The following SPEN variants were observed in gnomAD, a reference collection of about 807,000 sequenced individuals.
SPEN encodes spen family transcriptional repressor.
In SPEN, 18 loss-of-function variants were observed where a neutral mutation model predicts 269.9. The observed-to-expected ratio is 0.07, with a 90% CI of 0.05 to 0.10. The LOEUF (loss-of-function observed/expected upper bound fraction) is 0.10, where lower values mean the gene tolerates loss of function less well. Ranked by LOEUF, SPEN falls within the 10% of genes least tolerant of loss-of-function variation. SPEN has a pLI of 1.00. For synonymous variants in SPEN, 1,726 were observed against 1,765.7 expected, an observed-to-expected ratio of 0.98 and a Z score of 0.56; for missense variants, 3,822 against 4,631.2, an observed-to-expected ratio of 0.83 and a Z score of 5.07.
chr1:15,916,573 T>C (rs1026719748), intron 6 of SPEN, among the ~76,000 whole-genome samples: 3 of 148,868 alleles, frequency 2.0e-5, no homozygotes, highest in Non-Finnish European at 1.5e-5. Flanking sequence ...TGCAGTGTCA[T>C]GATCACGACT....
At chr1:15,872,356 G>T (rs549205130) in intron 1 of SPEN, among the ~76,000 whole-genome samples, 3 of 152,030 alleles carry the variant, frequency 2.0e-5, no homozygotes, top group Non-Finnish European at 4.4e-5. Context: ...ACTTTGGGAG[G>T]CTAAGGCGGG....
At chr1:15,872,492 C>T (rs897952439) in intron 1 of SPEN, among the ~76,000 whole-genome samples, 10 of 150,260 alleles carry the variant, frequency 6.7e-5, no homozygotes, top group Non-Finnish European at 1.5e-4. Context: ...CCCAGCTACT[C>T]GGGAGGCTGA....
chr1:15,879,075 A>C (rs1434852433), intron 3 of SPEN, among the ~76,000 whole-genome samples: 1 of 151,360 alleles, frequency 6.6e-6, no homozygotes, highest in African/African-American at 2.4e-5. Context: ...AAAGTGGCTC[A>C]CACCTGTAAT....
intron 3 of SPEN, among the ~76,000 whole-genome samples, chr1:15,877,466 A>G (rs780734585): frequency 3.3e-5 from 5 of 152,166 alleles, no homozygotes; most frequent in Non-Finnish European, 2.9e-5. Flanking sequence ...AGGTTTTGCC[A>G]TGTTGGCCAG....
chr1:15,893,864 C>G (rs1316891118), intron 3 of SPEN, among the ~76,000 whole-genome samples: 1 of 152,142 alleles, frequency 6.6e-6, no homozygotes, highest in African/African-American at 2.4e-5. Context: ...CATGGCAAAA[C>G]CCTGTCTCTA....
intron 6 of SPEN, chr1:15,917,837 T>G (rs2148732389): frequency 6.5e-6 from 1 of 153,150 alleles, no homozygotes; most frequent in African/African-American, 2.4e-5. Flanking sequence ...CAATTAATGC[T>G]CCAGCAATAT....
rs1420284607 is a variant in SPEN at position 15,928,117 on chromosome 1, A to G, written c.1877A>G (p.Tyr626Cys). The change falls in exon 11 of 15, where the codon TAT becomes TGT. Residue 626 changes from tyrosine to cysteine, a missense_variant. By Grantham distance (194) the Tyr-to-Cys change is radical. Around this residue, in one of 16 missense-constraint regions of SPEN, gnomAD observed 230 missense variants for 426.1 expected, o/e 0.54. Coordinates refer to ENST00000375759, the MANE Select transcript of SPEN (RefSeq NM_015001.3). The surrounding 1 kb of genome is among the most constrained non-coding windows in gnomAD (Gnocchi z 5.7). Reference sequence around the variant, plus strand: ...GAGGAACGAAGGGCATCCTACGACTATAACCAAGATCGTACATATTATGAG... The same window carrying G: ...GAGGAACGAAGGGCATCCTACGACTGTAACCAAGATCGTACATATTATGAG... ...RREERRASYD[Y>C]NQDRTYYESV... 4 of 1,611,702 alleles carry G rather than the reference A, an allele frequency of 2.5e-6. No individual in the cohort carries two copies. Among genetic ancestry groups the G allele is most frequent in the East Asian group, 2.2e-5 (1 of 44,826 alleles).
chr1:15,865,771 A>G (rs1204665171), intron 1 of SPEN, among the ~76,000 whole-genome samples: 2 of 151,918 alleles, frequency 1.3e-5, no homozygotes, highest in Non-Finnish European at 2.9e-5. Context: ...CTTGATTTCT[A>G]ATAACTCTGT....
intron 1 of SPEN, among the ~76,000 whole-genome samples, chr1:15,856,565 CTTTTTTTTTTT>C (rs34812900): frequency 9.8e-6 from 1 of 102,500 alleles, no homozygotes; most frequent in Non-Finnish European, 2.1e-5. Context: ...CTGCCAGATA[CTTTTTTTTTTT>C]TTTTTTTTTG....
chr1:15,883,895 C>T (rs919533801), intron 3 of SPEN, among the ~76,000 whole-genome samples: 1 of 150,170 alleles, frequency 6.7e-6, no homozygotes, highest in Admixed American at 6.7e-5. Context: ...CTGCAAGCTC[C>T]GCCTCCTGGG....
chr1:15,872,682 A>G lies in SPEN; in HGVS notation c.84-134A>G, dbSNP rs1004365545. On this transcript the variant is annotated intron_variant, in intron 1 of 14. Coordinates refer to ENST00000375759, the MANE Select transcript of SPEN (RefSeq NM_015001.3). The stretch of plus-strand genomic sequence containing the variant: ...CAGAGAGAAAAACGTTAAGTGTAAA[A>G]GAGAGCCATTTAAAAAGTCATTTTG... The G allele has an allele frequency of 1.7e-5, 9 of 543,562 alleles. No individual in the cohort carries two copies. The African/African-American group carries it at 1.7e-4, about 10-fold the overall frequency. The allele number at this position is 543,562 out of a possible 1,614,324, so 33.7% of individuals were successfully genotyped here. A position where few individuals can be genotyped will look rare whatever the true frequency, so the allele number is the denominator to read the frequency against.
At chr1:15,857,855 T>A (rs918576549) in intron 1 of SPEN, among the ~76,000 whole-genome samples, 1 of 151,668 alleles carries the variant, frequency 6.6e-6, no homozygotes. Flanking sequence ...AGAGACAAGG[T>A]CCAGTGGCTC....
At chr1:15,872,788 G>C in intron 1 of SPEN, 28 bp from the exon 2 acceptor site, 3 of 1,462,700 alleles carry the variant, frequency 2.1e-6, no homozygotes, top group Non-Finnish European at 2.7e-6. Flanking sequence ...TTGATATGCA[G>C]CAATAACGTT....
chr1:15,911,578 G>A (rs1487751248), intron 5 of SPEN, among the ~76,000 whole-genome samples: 1 of 152,162 alleles, frequency 6.6e-6, no homozygotes, highest in Non-Finnish European at 1.5e-5. Context: ...GACCCTTATT[G>A]AGTCCAGCCT....
intron 5 of SPEN, among the ~76,000 whole-genome samples, chr1:15,913,961 T>C (rs1204817812): frequency 6.6e-6 from 1 of 152,244 alleles, no homozygotes; most frequent in Non-Finnish European, 1.5e-5. Context: ...TTTCTTCTTG[T>C]GTTTCTGCCT....
In SPEN at chr1:15,901,349, A is replaced by T. The variant is rs185907818; in HGVS notation, c.882-7972A>T. Among the ~76,000 whole-genome samples the T allele has an allele frequency of 2.0e-3, 279 of 142,876 alleles. 1 individual carries two copies. Among genetic ancestry groups the T allele is most frequent in the African/African-American group, 7.2e-3 (252 of 35,114 alleles). The allele number at this position is 142,876 out of a possible 152,430, so 93.7% of individuals were successfully genotyped here. Reference sequence around the variant, plus strand: ...AAATAAAAAAATAAAAAATAAAAATAAAAAAAAAATAGGCTGGGCGTGGTG... The same window carrying T: ...AAATAAAAAAATAAAAAATAAAAATTAAAAAAAAATAGGCTGGGCGTGGTG... On this transcript the variant is annotated intron_variant, in intron 3 of 14. Transcript: ENST00000375759.
At position 15,853,547 on chromosome 1, in the gene SPEN, G is replaced by T. The variant is rs556274139; in HGVS notation, c.83+5397G>T. On this transcript the variant is annotated intron_variant, in intron 1 of 14. Transcript: ENST00000375759. ...CTTGCTCTGTCACCCAGGCTGGAGT[G>T]CAGTGGCTTGATCTCAGCTCACTGC... 6.8e-4 allele frequency among the ~76,000 whole-genome samples: 104 copies of T among 152,078 alleles called. 1 individual carries two copies. Among genetic ancestry groups the T allele is most frequent in the Admixed American group, 2.8e-3 (43 of 15,250 alleles).
At chr1:15,869,874 T>A (rs1315393327) in intron 1 of SPEN, among the ~76,000 whole-genome samples, 3 of 147,442 alleles carry the variant, frequency 2.0e-5, no homozygotes, top group Non-Finnish European at 4.5e-5. Context: ...AGTTATTGAT[T>A]TTTTTTTTTT....
chr1:15,883,019 G>A (rs1163076257), intron 3 of SPEN, among the ~76,000 whole-genome samples: 1 of 152,190 alleles, frequency 6.6e-6, no homozygotes, highest in African/African-American at 2.4e-5. Context: ...AGGAGGCAAT[G>A]GGTGACAGGG....
Sources: allele counts gnomAD v4.1 joint callset (sites outside exome capture counted in the v4.1 genomes callset), GRCh38; gene constraint gnomAD v4.1.1; regional missense constraint gnomAD v4.1.1; non-coding constraint Gnocchi (gnomAD v3.1); transcripts MANE v1.5; gene names NCBI Gene and HGNC (gene_info 2026-07-23, HGNC 2026-07-21).